The following PGCKA1 variants were observed in gnomAD, a reference collection of about 807,000 sequenced individuals.
PGCKA1 encodes the protein PDCD10 and GCKIII kinases-associated protein 1.
the PGCKA1 span, among the ~76,000 whole-genome samples, chr4:37,570,406 A>C: frequency 6.9e-6 from 1 of 145,230 alleles, no homozygotes; most frequent in African/African-American, 2.6e-5. Context: ...AAGACTGCCC[A>C]AAAGAGTAGG....
At chr4:37,530,598 A>T in the PGCKA1 span, among the ~76,000 whole-genome samples, 7 of 118,466 alleles carry the variant, frequency 5.9e-5, no homozygotes, top group Non-Finnish European at 1.1e-4. Context: ...AAAAAAAAAA[A>T]TGCTTGGGAG....
the PGCKA1 span, among the ~76,000 whole-genome samples, chr4:37,502,650 G>A: frequency 5.3e-5 from 8 of 152,184 alleles, no homozygotes; most frequent in African/African-American, 1.9e-4. Flanking sequence ...TGCTAGCAGG[G>A]CAAGAAAGGC....
chr4:37,471,143 G>A, the PGCKA1 span, among the ~76,000 whole-genome samples: 1 of 152,154 alleles, frequency 6.6e-6, no homozygotes. Context: ...CATGAATTGG[G>A]TAGCACTCAG....
At chr4:37,590,988 T>A in the PGCKA1 span, 1 of 1,609,616 alleles carries the variant, frequency 6.2e-7, no homozygotes, top group Non-Finnish European at 8.5e-7. Flanking sequence ...AAGATTTGGA[T>A]GAGACTGATT....
At chr4:37,566,169 G>C in the PGCKA1 span, among the ~76,000 whole-genome samples, 2 of 151,992 alleles carry the variant, frequency 1.3e-5, no homozygotes, top group Admixed American at 6.6e-5. Context: ...GACTAATACA[G>C]TAACCATCTA....
the PGCKA1 span, among the ~76,000 whole-genome samples, chr4:37,515,577 C>T: frequency 2.2e-4 from 33 of 152,302 alleles, no homozygotes; most frequent in South Asian, 4.1e-4. Flanking sequence ...TACTATACTA[C>T]GGGACAAGCA....
At chr4:37,496,835 A>G in the PGCKA1 span, among the ~76,000 whole-genome samples, 2 of 152,000 alleles carry the variant, frequency 1.3e-5, no homozygotes, top group Admixed American at 1.3e-4. Context: ...CTGTATTCCT[A>G]GGTATTTTAT....
the PGCKA1 span, among the ~76,000 whole-genome samples, chr4:37,500,567 T>C: frequency 7.9e-5 from 12 of 152,234 alleles, no homozygotes; most frequent in Non-Finnish European, 1.2e-4. Flanking sequence ...GTATGTGCCA[T>C]GTGGCAATGA....
the PGCKA1 span, among the ~76,000 whole-genome samples, chr4:37,516,231 C>T: frequency 2.0e-5 from 3 of 152,076 alleles, no homozygotes; most frequent in East Asian, 1.9e-4. Flanking sequence ...TCCTGGGGAC[C>T]AATAGTCTGG....
At chr4:37,519,899 T>C in the PGCKA1 span, among the ~76,000 whole-genome samples, 2 of 152,210 alleles carry the variant, frequency 1.3e-5, no homozygotes, top group Non-Finnish European at 2.9e-5. Context: ...TGTGGGTCTG[T>C]CATATATGGC....
At chr4:37,482,858 A>G in the PGCKA1 span, among the ~76,000 whole-genome samples, 1 of 152,208 alleles carries the variant, frequency 6.6e-6, no homozygotes, top group Admixed American at 6.5e-5. Flanking sequence ...AGGGGCCAAC[A>G]TACAGCTTAG....
the PGCKA1 span, among the ~76,000 whole-genome samples, chr4:37,541,077 G>T: frequency 7.0e-6 from 1 of 143,872 alleles, no homozygotes; most frequent in Admixed American, 7.1e-5. Flanking sequence ...ACCTTGACTA[G>T]CTCTATTTTT....
At chr4:37,469,579 T>C in the PGCKA1 span, among the ~76,000 whole-genome samples, 1 of 152,282 alleles carries the variant, frequency 6.6e-6, no homozygotes, top group South Asian at 2.1e-4. Context: ...GACAAGATTG[T>C]TGTGCCCTGG....
At chr4:37,466,243 ATAT>A in the PGCKA1 span, among the ~76,000 whole-genome samples, 187 of 151,178 alleles carry the variant, frequency 1.2e-3, 2 homozygotes, top group African/African-American at 4.4e-3. Flanking sequence ...CGTTTCTGAA[ATAT>A]TATATTTATA....
the PGCKA1 span, among the ~76,000 whole-genome samples, chr4:37,495,948 A>G: frequency 6.6e-6 from 1 of 152,034 alleles, no homozygotes; most frequent in Non-Finnish European, 1.5e-5. Context: ...TAAGTTCCTT[A>G]TAGATGCTGA....
the PGCKA1 span, among the ~76,000 whole-genome samples, chr4:37,518,962 G>A: frequency 6.6e-6 from 1 of 152,184 alleles, no homozygotes. Flanking sequence ...AAGAGATAAG[G>A]ATTTAGTTTC....
At chr4:37,515,084 G>T in the PGCKA1 span, among the ~76,000 whole-genome samples, 2 of 152,178 alleles carry the variant, frequency 1.3e-5, no homozygotes. Context: ...GATGGTCTTA[G>T]GAGGCAGGGC....
chr4:37,517,183 G>T, the PGCKA1 span, among the ~76,000 whole-genome samples: 2 of 151,298 alleles, frequency 1.3e-5, no homozygotes, highest in East Asian at 3.9e-4. Context: ...CCCGGGAGGC[G>T]GAGGTTGCAG....
the PGCKA1 span, among the ~76,000 whole-genome samples, chr4:37,554,145 T>C: frequency 6.6e-6 from 1 of 151,998 alleles, no homozygotes; most frequent in Non-Finnish European, 1.5e-5. Context: ...GCAGTTCCCC[T>C]GCACACGCTG....
Sources: gnomAD v4.1 joint callset for allele counts (sites outside exome capture counted in the v4.1 genomes callset) on GRCh38, gnomAD v4.1.1 for gene constraint, MANE v1.5 for transcripts, NCBI Gene and HGNC (gene_info 2026-07-23, HGNC 2026-07-21) for gene names.